CDC25A: variants seen among roughly 807,000 people sequenced by gnomAD.
The protein encoded by CDC25A is cell division cycle 25A.
Under a neutral mutation model 64.6 loss-of-function variants are expected in CDC25A, and 17 were observed. The observed-to-expected ratio is 0.26, with a 90% CI of 0.18 to 0.39. The LOEUF (loss-of-function observed/expected upper bound fraction) is 0.39, where lower values mean the gene tolerates loss of function less well. Among genes scored for constraint, CDC25A ranks in the 10% least tolerant of loss-of-function variants. The pLI is 1.00. For missense variants in CDC25A, 473 were observed against 654.8 expected (o/e 0.72, Z 3.03); for synonymous variants, 229 against 238.6 (o/e 0.96, Z 0.37).
chr3:48,158,114 A>G lies in CDC25A; in HGVS notation c.*831T>C, dbSNP rs1337824997. ...CTGACTGTGGCTCCTATACCAGCCA[A>G]TGTCATGGAACTGGGGTGAGGAAGA... is the stretch of plus-strand genomic sequence containing the variant. On this transcript the variant is annotated 3_prime_UTR_variant, in exon 15 of 15. Transcript: ENST00000302506. 1.3e-5 allele frequency: 2 copies of G among 152,512 alleles called. No homozygotes were observed. Among genetic ancestry groups the G allele is most frequent in the African/African-American group, 4.8e-5 (2 of 41,394 alleles). The allele number at this position is 152,512 out of a possible 1,614,324, so 9.4% of individuals were successfully genotyped here. A position where few individuals can be genotyped will look rare whatever the true frequency, so the allele number is the denominator to read the frequency against.
chr3:48,181,744 G>T, intron 5 of CDC25A: 4 of 659,678 alleles, frequency 6.1e-6, no homozygotes, highest in East Asian at 2.9e-5. Context: ...CTGAATTATA[G>T]AATGTTCACA....
At chr3:48,183,351 T>TTA (rs1197267620) in intron 4 of CDC25A, among the ~76,000 whole-genome samples, 15 of 152,188 alleles carry the variant, frequency 9.9e-5, no homozygotes, top group Non-Finnish European at 1.6e-4. Flanking sequence ...TAAAGCTCTG[T>TTA]TAGAGATGGA....
chr3:48,160,230 A>T (rs2031693125), intron 13 of CDC25A, among the ~76,000 whole-genome samples: 1 of 152,060 alleles, frequency 6.6e-6, no homozygotes, highest in Non-Finnish European at 1.5e-5. Context: ...CTCCTGCCTC[A>T]GCCTCCCAAA....
At chr3:48,162,691 C>G (rs1007385700) in intron 13 of CDC25A, among the ~76,000 whole-genome samples, 1 of 151,606 alleles carries the variant, frequency 6.6e-6, no homozygotes, top group African/African-American at 2.4e-5. Flanking sequence ...ACTAAAAATA[C>G]AAAAAAATTA....
At chr3:48,163,924 CT>C (rs1165872422) in intron 13 of CDC25A, among the ~76,000 whole-genome samples, 1 of 152,214 alleles carries the variant, frequency 6.6e-6, no homozygotes, top group Non-Finnish European at 1.5e-5. Flanking sequence ...ACACAGATGA[CT>C]GATGGGCAGC....
At chr3:48,181,771 G>T in intron 5 of CDC25A, 64 of 455,344 alleles carry the variant, frequency 1.4e-4, no homozygotes, top group Middle Eastern at 1.1e-3. Context: ...AGTTCTGAGA[G>T]AAATAAAACC....
At chr3:48,187,660 A>C in intron 1 of CDC25A, 118 bp downstream of exon 1, 4 of 1,028,892 alleles carry the variant, frequency 3.9e-6, no homozygotes, top group Middle Eastern at 2.8e-4. Flanking sequence ...GCTGTCCCCG[A>C]GCGGCGAACC....
At chr3:48,167,573 A>C (rs1240097051) in intron 10 of CDC25A, among the ~76,000 whole-genome samples, 1 of 152,214 alleles carries the variant, frequency 6.6e-6, no homozygotes, top group Non-Finnish European at 1.5e-5. Context: ...CACAGTTCCC[A>C]GAGAGCCTAG....
chr3:48,187,473 A>C (rs1014329927), intron 1 of CDC25A, among the ~76,000 whole-genome samples: 1 of 152,248 alleles, frequency 6.6e-6, no homozygotes, highest in East Asian at 1.9e-4. Context: ...GGTAGATTCC[A>C]AAGAGCTTCC....
In CDC25A at chr3:48,157,690, A is replaced by G. The variant is rs1416764074; in HGVS notation, c.*1255T>C. On this transcript the variant is annotated 3_prime_UTR_variant, in exon 15 of 15. Coordinates refer to ENST00000302506, the MANE Select transcript of CDC25A (RefSeq NM_001789.3). ...ATAAGGGGACAACCGGTGATGATTC[A>G]TCACTCCCTGTCTCTAAAATTAAAA... 6.6e-6 allele frequency: 1 copy of G among 152,572 alleles called. No homozygotes were observed. Among genetic ancestry groups the G allele is most frequent in the Non-Finnish European group, 1.5e-5 (1 of 68,000 alleles). 9.5% of individuals were successfully genotyped at this position (152,572 alleles called of 1,614,324 possible). A position where few individuals can be genotyped will look rare whatever the true frequency, so the allele number is the denominator to read the frequency against.
At chr3:48,167,191 C>T (rs1257452614) in intron 10 of CDC25A, among the ~76,000 whole-genome samples, 1 of 152,218 alleles carries the variant, frequency 6.6e-6, no homozygotes, top group Non-Finnish European at 1.5e-5. Context: ...AGGGAAGGAA[C>T]TGTATCTCAT....
At chr3:48,183,097 C>T in intron 4 of CDC25A, 67 bp from the exon 5 acceptor site, 1 of 1,134,386 alleles carries the variant, frequency 8.8e-7, no homozygotes, top group Non-Finnish European at 1.3e-6. Flanking sequence ...ATTCAGTTCT[C>T]AAAAGAAAAA....
At chr3:48,186,093 C>G (rs1477449368) in intron 2 of CDC25A, among the ~76,000 whole-genome samples, 2 of 152,226 alleles carry the variant, frequency 1.3e-5, no homozygotes, top group East Asian at 3.8e-4. Context: ...TGACACTGTA[C>G]TTCCAATCAT....
intron 3 of CDC25A, among the ~76,000 whole-genome samples, chr3:48,184,323 C>A (rs1473360273): frequency 6.6e-6 from 1 of 152,100 alleles, no homozygotes; most frequent in Non-Finnish European, 1.5e-5. Flanking sequence ...TGCACTCTAG[C>A]CTGGGCGGCA....
chr3:48,183,534 G>T (rs1020674828), intron 4 of CDC25A, among the ~76,000 whole-genome samples: 2 of 151,986 alleles, frequency 1.3e-5, no homozygotes, highest in Non-Finnish European at 1.5e-5. Context: ...AAAATCAGCC[G>T]GGTGTGATGG....
Position 48,157,169 on chromosome 3 carries a change from G to A in CDC25A, c.*1776C>T, listed in dbSNP as rs2031540482. ...TCTCCTTAAATCCATCAAGAACTAG[G>A]CAGAGAGCATGGGTTCAAGATCTTT... On this transcript the variant is annotated 3_prime_UTR_variant, in exon 15 of 15. Transcript: ENST00000302506. 6.6e-6 allele frequency: 1 copy of A among 152,166 alleles called. No individual in the cohort carries two copies. The highest frequency in any genetic ancestry group is 1.5e-5 in the Non-Finnish European group (1 of 68,032). 9.4% of individuals were successfully genotyped at this position (152,166 alleles called of 1,614,324 possible). A position where few individuals can be genotyped will look rare whatever the true frequency, so the allele number is the denominator to read the frequency against.
At chr3:48,159,517 C>T in intron 13 of CDC25A, 62 bp from the exon 14 acceptor site, 1 of 1,072,626 alleles carries the variant, frequency 9.3e-7, no homozygotes, top group South Asian at 1.3e-5. Context: ...CAAGGCAACG[C>T]AGTCAAAGCA....
intron 3 of CDC25A, among the ~76,000 whole-genome samples, chr3:48,184,323 C>T (rs1473360273): frequency 6.6e-6 from 1 of 152,100 alleles, no homozygotes; most frequent in East Asian, 1.9e-4. Flanking sequence ...TGCACTCTAG[C>T]CTGGGCGGCA....
chr3:48,170,200 G>T (rs554309167), intron 9 of CDC25A, among the ~76,000 whole-genome samples: 1 of 152,204 alleles, frequency 6.6e-6, no homozygotes, highest in Admixed American at 6.5e-5. Flanking sequence ...CAAGCAAGCA[G>T]TTCTGCAGTG....
Sources: allele counts gnomAD v4.1 joint callset (sites outside exome capture counted in the v4.1 genomes callset), GRCh38; gene constraint gnomAD v4.1.1; transcripts MANE v1.5; gene names NCBI Gene and HGNC (gene_info 2026-07-23, HGNC 2026-07-21).